PAM: variants seen among roughly 807,000 people sequenced by gnomAD.
PAM encodes peptidyl-glycine alpha-amidating monooxygenase.
A neutral mutation model predicts 122.1 loss-of-function variants in PAM; 72 were observed. The ratio of observed to expected loss-of-function variants is 0.59; its 90% CI spans 0.49 to 0.72. PAM has a LOEUF of 0.72. PAM is among the 30% of genes least tolerant of loss of function. The pLI, the probability that PAM is intolerant of heterozygous loss-of-function variation, is 0.00. For synonymous variants in PAM, 389 were observed against 404.4 expected (o/e 0.96, Z 0.46); for missense variants, 1,106 against 1,183.7 (o/e 0.93, Z 0.96).
intron 7 of PAM, among the ~76,000 whole-genome samples, chr5:102,935,501 A>G (rs1271038896): frequency 6.6e-6 from 1 of 152,154 alleles, no homozygotes; most frequent in Non-Finnish European, 1.5e-5. Flanking sequence ...AAGCAATGTT[A>G]GAAATGTTTT....
chr5:102,853,540 G>A (rs1475638444), intron 1 of PAM, among the ~76,000 whole-genome samples: 2 of 152,150 alleles, frequency 1.3e-5, no homozygotes, highest in African/African-American at 4.8e-5. Flanking sequence ...CATTGATAAC[G>A]CTAAACCTGA....
Position 102,960,706 on chromosome 5 carries a change from C to A in PAM, c.1091-452C>A, listed in dbSNP as rs1463811591. Among the ~76,000 whole-genome samples, 4 of 151,754 alleles carry A rather than the reference C, an allele frequency of 2.6e-5. No individual in the cohort carries two copies. The South Asian group carries it at 6.2e-4, about 24-fold the overall frequency. ...TTGAGTTTTGCAAGTTCAGTCTTAA[C>A]ACGCTAGAGCAGCTTCTTATTTCTT... On this transcript the variant is annotated intron_variant, in intron 13 of 25. Coordinates refer to ENST00000438793, the MANE Select transcript of PAM (RefSeq NM_001177306.2).
At chr5:103,002,307 C>T (rs1777638370) in intron 16 of PAM, among the ~76,000 whole-genome samples, 2 of 151,788 alleles carry the variant, frequency 1.3e-5, no homozygotes, top group South Asian at 4.2e-4. Context: ...AATATATGTC[C>T]ATAATATTTT....
intron 1 of PAM, among the ~76,000 whole-genome samples, chr5:102,864,186 T>A (rs11959545): frequency 0.15 from 17,824 of 118,650 alleles, 1,279 homozygotes; most frequent in Non-Finnish European, 0.19. Context: ...ATATATATAT[T>A]TTTTTTTTTT....
intron 14 of PAM, among the ~76,000 whole-genome samples, chr5:102,970,325 C>G (rs1192571516): frequency 6.6e-6 from 1 of 152,182 alleles, no homozygotes; most frequent in African/African-American, 2.4e-5. Context: ...TTACAAAGTA[C>G]TCAGCCCCAT....
chr5:102,889,768 T>C (rs1358198686), intron 3 of PAM, among the ~76,000 whole-genome samples: 1 of 151,910 alleles, frequency 6.6e-6, no homozygotes, highest in East Asian at 2.0e-4. Flanking sequence ...TTATTGGGCC[T>C]GTCTAGAACC....
intron 4 of PAM, among the ~76,000 whole-genome samples, chr5:102,906,217 T>C (rs1799503022): frequency 6.6e-6 from 1 of 151,644 alleles, no homozygotes; most frequent in Non-Finnish European, 1.5e-5. Flanking sequence ...TCACCAAAAA[T>C]TAATTGACAT....
intron 4 of PAM, among the ~76,000 whole-genome samples, chr5:102,913,228 T>C (rs1371759795): frequency 6.6e-6 from 1 of 151,954 alleles, no homozygotes; most frequent in East Asian, 1.9e-4. Flanking sequence ...GATAATAATA[T>C]ATTTTTAATT....
chr5:102,910,800 G>C (rs996265451), intron 4 of PAM, among the ~76,000 whole-genome samples: 10 of 151,748 alleles, frequency 6.6e-5, no homozygotes, highest in African/African-American at 2.4e-4. Context: ...TTTGGTGTAT[G>C]ATGGGTGAAA....
intron 12 of PAM, among the ~76,000 whole-genome samples, chr5:102,951,152 C>G (rs1042627904): frequency 6.6e-6 from 1 of 151,744 alleles, no homozygotes; most frequent in African/African-American, 2.4e-5. Flanking sequence ...TTCTCAAGTG[C>G]CTTTTTGCCC....
chr5:102,757,681 A>G (rs1004840908), intron 1 of PAM, among the ~76,000 whole-genome samples: 69 of 152,214 alleles, frequency 4.5e-4, no homozygotes, highest in African/African-American at 1.6e-3. Flanking sequence ...TAAGATTTTT[A>G]ATAAGCTGGA....
Position 103,028,900 on chromosome 5 carries a change from A to G in PAM, c.2757A>G (p.Gly919=), listed in dbSNP as rs772463075. The change falls in exon 26 of 26, where the codon GGA becomes GGG. Residue 919 remains glycine (G), a synonymous_variant. Transcript: ENST00000438793. ...GCTTTTTTTCAGGAAAGGGAAGTGGAGGCTTAAACCTTGGTAATTTCTTTG... is the reference window on the plus strand; with the variant it reads ...GCTTTTTTTCAGGAAAGGGAAGTGGGGGCTTAAACCTTGGTAATTTCTTTG... ...VLGRFRGKGS[G]GLNLGNFFAS... The G allele has an allele frequency of 3.1e-6, 5 of 1,605,060 alleles. No individual in the cohort carries two copies. Among genetic ancestry groups the G allele is most frequent in the Non-Finnish European group, 4.2e-6 (5 of 1,176,974 alleles).
intron 4 of PAM, among the ~76,000 whole-genome samples, chr5:102,904,915 C>T (rs967230921): frequency 6.6e-5 from 10 of 151,562 alleles, no homozygotes; most frequent in Non-Finnish European, 1.5e-4. Context: ...CATTATGGAA[C>T]TCATATGTGT....
chr5:103,021,163 G>A (rs997750429), intron 23 of PAM, among the ~76,000 whole-genome samples: 7 of 152,184 alleles, frequency 4.6e-5, no homozygotes, highest in Non-Finnish European at 1.0e-4. Flanking sequence ...AGGAAATTGA[G>A]GATCAGAATT....
At chr5:102,784,232 C>T (rs559148730) in intron 1 of PAM, among the ~76,000 whole-genome samples, 1 of 152,266 alleles carries the variant, frequency 6.6e-6, no homozygotes, top group South Asian at 2.1e-4. Context: ...ACCTGGTGCT[C>T]CTCTTCTCCC....
intron 1 of PAM, among the ~76,000 whole-genome samples, chr5:102,801,070 T>C (rs1213730469): frequency 6.6e-6 from 1 of 152,152 alleles, no homozygotes; most frequent in Non-Finnish European, 1.5e-5. Flanking sequence ...AGCTTTCTTT[T>C]TGTGAGTTTG....
chr5:102,994,131 A>C (rs188378942), intron 16 of PAM, among the ~76,000 whole-genome samples: 1 of 152,266 alleles, frequency 6.6e-6, no homozygotes, highest in East Asian at 1.9e-4. Flanking sequence ...GCTTATCTCC[A>C]GCCTCCCACC....
At chr5:102,783,851 G>A (rs908647922) in intron 1 of PAM, among the ~76,000 whole-genome samples, 3 of 151,960 alleles carry the variant, frequency 2.0e-5, no homozygotes, top group African/African-American at 7.3e-5. Flanking sequence ...CACTTGAATG[G>A]TTTCCCTCTC....
intron 16 of PAM, among the ~76,000 whole-genome samples, chr5:102,992,487 AT>A (rs570371432): frequency 6.6e-6 from 1 of 152,058 alleles, no homozygotes; most frequent in African/African-American, 2.4e-5. Context: ...TCTGTTAGTT[AT>A]TTTTTAGGAA....
Sources: allele counts gnomAD v4.1 joint callset (sites outside exome capture counted in the v4.1 genomes callset), GRCh38; gene constraint gnomAD v4.1.1; transcripts MANE v1.5; gene names NCBI Gene and HGNC (gene_info 2026-07-23, HGNC 2026-07-21).